The following OPCML variants were observed in gnomAD, a reference collection of about 807,000 sequenced individuals.
OPCML encodes the protein opioid-binding protein/cell adhesion molecule.
In OPCML, 13 loss-of-function variants were observed where a neutral mutation model predicts 37.8. That is an observed-to-expected ratio of 0.34 (90% CI 0.22 to 0.55). The LOEUF (loss-of-function observed/expected upper bound fraction) is 0.55. Among genes scored for constraint, OPCML ranks in the 20% least tolerant of loss-of-function variants. The probability of loss-of-function intolerance (pLI) is 0.91; values close to 1 mark genes in which losing one functional copy is unlikely to be tolerated. For synonymous variants in OPCML, 176 were observed against 168.8 expected (o/e 1.04, Z -0.33); for missense variants, 341 against 435.6 (o/e 0.78, Z 1.93).
At chr11:132,761,524 T>C (rs1319523444) in intron 2 of OPCML, among the ~76,000 whole-genome samples, 1 of 152,180 alleles carries the variant, frequency 6.6e-6, no homozygotes, top group Non-Finnish European at 1.5e-5. Context: ...CTTTTTTCTC[T>C]AATCTTGTCT....
chr11:133,026,206 C>A lies in OPCML; in HGVS notation c.62-83196G>T, dbSNP rs1591924497. ...CGATGAAGCTTTGTAATCTGTAAAG[C>A]TTTCGAGCCAGGTTAGAGAAGTCAG... On this transcript the variant is annotated intron_variant, in intron 1 of 7. Transcript: ENST00000524381. The A allele has an allele frequency of 1.6e-5, 11 of 706,746 alleles. No homozygotes were observed. In the South Asian group the frequency reaches 4.5e-4, roughly 29 times the overall value. The allele number at this position is 706,746 out of a possible 1,614,324, so 43.8% of individuals were successfully genotyped here. A position where few individuals can be genotyped will look rare whatever the true frequency, so the allele number is the denominator to read the frequency against.
chr11:132,422,787 CCT>C (rs1269703553), intron 7 of OPCML, among the ~76,000 whole-genome samples: 1 of 152,126 alleles, frequency 6.6e-6, no homozygotes, highest in Non-Finnish European at 1.5e-5. Context: ...GAATCTATGC[CCT>C]TAATTGTTAC....
At chr11:132,443,658 G>A (rs1229261107) in intron 4 of OPCML, among the ~76,000 whole-genome samples, 1 of 152,190 alleles carries the variant, frequency 6.6e-6, no homozygotes, top group Non-Finnish European at 1.5e-5. Flanking sequence ...TTCTGTAAGG[G>A]AAGAACCATG....
rs913471686 is a variant in OPCML, at chr11:132,415,913, C to A, written c.*4280G>T. ...TGTGGTGATCATTAGGCGTTCTCAT[C>A]ATATGGTCTCTTTTTGAAAATGTTG... On this transcript the variant is annotated 3_prime_UTR_variant, in exon 8 of 8. Transcript: ENST00000524381. 6.6e-6 allele frequency: 1 copy of A among 152,600 alleles called. No individual in the cohort carries two copies. The highest frequency in any genetic ancestry group is 1.5e-5 in the Non-Finnish European group (1 of 68,028). The allele number at this position is 152,600 out of a possible 1,614,324, so 9.5% of individuals were successfully genotyped here. A position where few individuals can be genotyped will look rare whatever the true frequency, so the allele number is the denominator to read the frequency against.
At chr11:132,715,834 T>TA (rs1178664962) in intron 2 of OPCML, among the ~76,000 whole-genome samples, 1 of 152,184 alleles carries the variant, frequency 6.6e-6, no homozygotes, top group African/African-American at 2.4e-5. Flanking sequence ...TTTTCTCATC[T>TA]AGTCTACTGG....
intron 1 of OPCML, among the ~76,000 whole-genome samples, chr11:133,308,919 T>C (rs1943001039): frequency 6.6e-6 from 1 of 151,988 alleles, no homozygotes; most frequent in Admixed American, 6.6e-5. Flanking sequence ...AGTGAAAAAA[T>C]AGCAAAGATT....
chr11:133,090,064 T>C (rs1948880766), intron 1 of OPCML, among the ~76,000 whole-genome samples: 1 of 152,138 alleles, frequency 6.6e-6, no homozygotes, highest in African/African-American at 2.4e-5. Context: ...TGAATCCTCT[T>C]CTCTACTAGG....
intron 2 of OPCML, among the ~76,000 whole-genome samples, chr11:132,713,890 C>A (rs1259917738): frequency 6.6e-6 from 1 of 152,154 alleles, no homozygotes; most frequent in African/African-American, 2.4e-5. Context: ...GAAAATGATC[C>A]CCTTTCCTAT....
In OPCML at chr11:133,211,037, C is replaced by G. The variant is rs1334215104; in HGVS notation, c.62-268027G>C. Among the ~76,000 whole-genome samples, 1 of 152,188 alleles carries G rather than the reference C, an allele frequency of 6.6e-6. No homozygotes were observed. Among genetic ancestry groups the G allele is most frequent in the Non-Finnish European group, 1.5e-5 (1 of 68,034 alleles). ...ATTAAAAAAATGTGCAGAGAAGTCT[C>G]TCTACAAACTATAACCACCTAGTAA... On this transcript the variant is annotated intron_variant, in intron 1 of 7. Transcript: ENST00000524381. The surrounding 1 kb of genome is among the most constrained non-coding windows in gnomAD (Gnocchi z 4.1).
At chr11:132,523,889 G>T (rs557536036) in intron 4 of OPCML, among the ~76,000 whole-genome samples, 1 of 152,204 alleles carries the variant, frequency 6.6e-6, no homozygotes, top group African/African-American at 2.4e-5. Context: ...AATAGCTCAT[G>T]CACTTGCTCC....
At chr11:132,977,289 A>G (rs1946485856) in intron 1 of OPCML, among the ~76,000 whole-genome samples, 1 of 152,224 alleles carries the variant, frequency 6.6e-6, no homozygotes, top group South Asian at 2.1e-4. Context: ...AGCTATTCAC[A>G]GCTGCTTTGT....
intron 1 of OPCML, among the ~76,000 whole-genome samples, chr11:133,524,679 G>A (rs1398077585): frequency 6.6e-6 from 1 of 152,254 alleles, no homozygotes; most frequent in East Asian, 1.9e-4. Context: ...TGCTGCTCCA[G>A]CTCTGTGCTG....
intron 1 of OPCML, among the ~76,000 whole-genome samples, chr11:133,495,950 G>A (rs1397660559): frequency 6.6e-6 from 1 of 152,050 alleles, no homozygotes; most frequent in African/African-American, 2.4e-5. Context: ...TTTGCTTTTG[G>A]GTTCTTGGTC....
intron 2 of OPCML, among the ~76,000 whole-genome samples, chr11:132,867,363 C>A (rs1942610993): frequency 6.6e-6 from 1 of 152,118 alleles, no homozygotes; most frequent in Non-Finnish European, 1.5e-5. Flanking sequence ...GTGCCGAGAA[C>A]AAAGGAAATC....
chr11:133,373,424 A>AATATATATATATATAT (rs57417327), intron 1 of OPCML, among the ~76,000 whole-genome samples: 1,547 of 117,532 alleles, frequency 0.013, 19 homozygotes, highest in Non-Finnish European at 0.019. Context: ...ACTTAATTAA[A>AATATATATATATATAT]ATATATATAT....
intron 7 of OPCML, among the ~76,000 whole-genome samples, chr11:132,430,008 G>A (rs1266110349): frequency 6.6e-6 from 1 of 152,140 alleles, no homozygotes; most frequent in Admixed American, 6.5e-5. Flanking sequence ...GGGCATTGTG[G>A]GGTGAGAGGG....
intron 1 of OPCML, among the ~76,000 whole-genome samples, chr11:133,363,155 C>G (rs181370247): frequency 4.6e-5 from 7 of 152,242 alleles, no homozygotes; most frequent in Admixed American, 2.0e-4. Context: ...TTATCCAGGA[C>G]TGAGGGAGGA....
At chr11:132,431,778 G>GTCA (rs1425235056) in intron 7 of OPCML, among the ~76,000 whole-genome samples, 1 of 152,194 alleles carries the variant, frequency 6.6e-6, no homozygotes, top group Non-Finnish European at 1.5e-5. Flanking sequence ...GGCACGCTGT[G>GTCA]AAGGGATCAC....
chr11:132,474,323 C>G (rs2096147690), intron 4 of OPCML, among the ~76,000 whole-genome samples: 1 of 152,076 alleles, frequency 6.6e-6, no homozygotes, highest in Non-Finnish European at 1.5e-5. Context: ...AGAATGCTTT[C>G]TGGAATCTGT....
Sources: gnomAD v4.1 joint callset for allele counts (sites outside exome capture counted in the v4.1 genomes callset) on GRCh38, gnomAD v4.1.1 for gene constraint, Gnocchi (gnomAD v3.1) non-coding constraint, MANE v1.5 for transcripts, NCBI Gene and HGNC (gene_info 2026-07-23, HGNC 2026-07-21) for gene names.